The following IGSF6 variants were observed in gnomAD, a reference collection of about 807,000 sequenced individuals.
IGSF6 encodes immunoglobulin superfamily member 6.
In IGSF6, 23 loss-of-function variants were observed where a neutral mutation model predicts 24.7. The observed-to-expected ratio is 0.93, with a 90% CI of 0.67 to 1.32. The LOEUF (loss-of-function observed/expected upper bound fraction) is 1.32. IGSF6 is among the 40% of genes most tolerant of loss of function. The pLI, the probability that IGSF6 is intolerant of heterozygous loss-of-function variation, is 0.00. For missense variants in IGSF6, 295 were observed against 293.6 expected, an observed-to-expected ratio of 1.00 and a Z score of -0.04; for synonymous variants, 110 against 113.7, an observed-to-expected ratio of 0.97 and a Z score of 0.21.
chr16:21,647,314 C>T lies in IGSF6; in HGVS notation c.246G>A (p.Gly82=), dbSNP rs1019913195. The T allele has an allele frequency of 6.2e-6, 10 of 1,614,158 alleles. No individual in the cohort carries two copies. Among genetic ancestry groups the T allele is most frequent in the Non-Finnish European group, 8.5e-6 (10 of 1,180,034 alleles). The change falls in exon 2 of 6, where the codon GGG becomes GGA. Residue 82 remains glycine (G), a synonymous_variant. Transcript: ENST00000268389. ...AHQPENLCLD[G]CKSEADKFTV... Reference sequence around the variant, plus strand: ...TGAACTTGTCTGCCTCACTTTTGCACCCGTCCAAGCACAGGTTCTCAGGCT... The same window carrying T: ...TGAACTTGTCTGCCTCACTTTTGCATCCGTCCAAGCACAGGTTCTCAGGCT...
intron 5 of IGSF6, 141 bp from the exon 6 acceptor site, chr16:21,641,734 C>T (rs1966276219): frequency 1.7e-5 from 8 of 474,488 alleles, no homozygotes; most frequent in Admixed American, 4.0e-5. Context: ...GCCAGATTAC[C>T]GTTTTCCCCA....
chr16:21,650,906 A>G (rs898962222), intron 1 of IGSF6, among the ~76,000 whole-genome samples: 9 of 152,202 alleles, frequency 5.9e-5, no homozygotes, highest in Non-Finnish European at 1.5e-5. Flanking sequence ...GAGGGAATAG[A>G]AAGATTATTC....
chr16:21,649,733 C>G (rs2141622857), intron 1 of IGSF6, among the ~76,000 whole-genome samples: 1 of 152,180 alleles, frequency 6.6e-6, no homozygotes, highest in African/African-American at 2.4e-5. Flanking sequence ...GAGATAGGGT[C>G]CCACTGTGTC....
intron 3 of IGSF6, 65 bp from the exon 4 acceptor site, chr16:21,643,663 C>G: frequency 9.7e-7 from 1 of 1,027,232 alleles, no homozygotes; most frequent in Non-Finnish European, 1.5e-6. Flanking sequence ...TGGCAGATAT[C>G]TCATGCCCTA....
chr16:21,643,138 C>G lies in IGSF6; in HGVS notation c.602G>C (p.Arg201Pro), dbSNP rs146422757. The G allele has an allele frequency of 1.1e-5, 18 of 1,606,006 alleles. No homozygotes were observed. The highest frequency in any genetic ancestry group is 1.5e-5 in the Non-Finnish European group (18 of 1,176,212). Residue 201 changes from arginine to proline, a missense_variant, in exon 5 of 6, where the codon CGT becomes CCT. Arg to Pro is a moderately radical substitution (Grantham distance 103, BLOSUM62 -2). Coordinates refer to ENST00000268389, the MANE Select transcript of IGSF6 (RefSeq NM_005849.4). ...TTCTTGAGCAATTTCCTGAAAAATA[C>G]GCCGAGCACTCTTCTTCTATAAAGA... Reference protein sequence around the residue: ...EDSQKKKSARRIFQEIAQELY... With the variant: ...EDSQKKKSARPIFQEIAQELY...
At chr16:21,647,838 G>A (rs908454696) in intron 1 of IGSF6, among the ~76,000 whole-genome samples, 6 of 152,076 alleles carry the variant, frequency 3.9e-5, no homozygotes, top group African/African-American at 1.4e-4. Flanking sequence ...GCTTTCCTTC[G>A]ATCCAATCAC....
rs1173908688 is a variant in IGSF6 at position 21,647,201 on chromosome 16, A to G, written c.359T>C (p.Ile120Thr). ...SNDSAIYICG[I>T]AFPSVPEARA... ...CGCTTCCGGCACACTGGGGAATGCT[A>G]TTCCACAGATGTAAATTGCACTGTC... is the stretch of plus-strand genomic sequence containing the variant. Residue 120 changes from isoleucine to threonine, a missense_variant, in exon 2 of 6, where the codon ATA (isoleucine) becomes ACA (threonine). Ile to Thr is a moderately conservative substitution (Grantham distance 89). Transcript: ENST00000268389. The G allele has an allele frequency of 1.1e-5, 17 of 1,614,092 alleles. No homozygotes were observed. The highest frequency in any genetic ancestry group is 2.2e-5 in the East Asian group (1 of 44,884).
intron 1 of IGSF6, among the ~76,000 whole-genome samples, chr16:21,650,333 C>T (rs759848553): frequency 6.6e-6 from 1 of 151,882 alleles, no homozygotes; most frequent in African/African-American, 2.4e-5. Flanking sequence ...ATGGTAAAAC[C>T]CCATCTTTAC....
rs1473099020 is a variant in IGSF6, at chr16:21,640,301, T to C, written c.*1233A>G. Reference sequence around the variant, plus strand: ...TAAGGTTGTAATTTGTGTCTAATAATGAATGCATACTTATGGGCACTTTAG... The same window carrying C: ...TAAGGTTGTAATTTGTGTCTAATAACGAATGCATACTTATGGGCACTTTAG... On this transcript the variant is annotated 3_prime_UTR_variant, in exon 6 of 6. Coordinates refer to ENST00000268389, the MANE Select transcript of IGSF6 (RefSeq NM_005849.4). The C allele has an allele frequency of 2.6e-5, 4 of 152,090 alleles. No individual in the cohort carries two copies. The allele number at this position is 152,090 out of a possible 1,614,324, so 9.4% of individuals were successfully genotyped here. A position where few individuals can be genotyped will look rare whatever the true frequency, so the allele number is the denominator to read the frequency against.
At chr16:21,642,801 A>G (rs1387107562) in intron 5 of IGSF6, among the ~76,000 whole-genome samples, 2 of 152,174 alleles carry the variant, frequency 1.3e-5, no homozygotes, top group East Asian at 3.8e-4. Context: ...TTAAAGCATC[A>G]TTGTCTGTAT....
intron 5 of IGSF6, chr16:21,642,141 G>C (rs143539922): frequency 6.6e-6 from 1 of 152,184 alleles, no homozygotes; most frequent in Non-Finnish European, 1.5e-5. Flanking sequence ...ACACAAGTTC[G>C]TGAAGCGTTC....
intron 3 of IGSF6, 146 bp from the exon 4 acceptor site, chr16:21,643,744 C>A: frequency 1.7e-6 from 1 of 594,270 alleles, no homozygotes; most frequent in East Asian, 2.9e-5. Flanking sequence ...TTTTGAGATG[C>A]TTTTACTCCA....
chr16:21,642,925 A>G, intron 5 of IGSF6, 149 bp downstream of exon 5: 1 of 553,102 alleles, frequency 1.8e-6, no homozygotes, highest in Non-Finnish European at 3.2e-6. Context: ...TTATTAAAAC[A>G]GGTTCTATAT....
At chr16:21,644,649 G>T (rs895953287) in intron 2 of IGSF6, among the ~76,000 whole-genome samples, 1 of 152,136 alleles carries the variant, frequency 6.6e-6, no homozygotes, top group African/African-American at 2.4e-5. Flanking sequence ...CCAACCATTT[G>T]TCATATTGCT....
rs1043101351 is a variant in IGSF6 at position 21,639,907 on chromosome 16, T to C, written c.*1627A>G. ...AAGAATACACCTTAGGCAATACCAG[T>C]TTAAAAGAAACACTTTATTTTATTT... On this transcript the variant is annotated 3_prime_UTR_variant, in exon 6 of 6. Coordinates refer to ENST00000268389, the MANE Select transcript of IGSF6 (RefSeq NM_005849.4). 5 of 152,020 alleles carry C rather than the reference T, an allele frequency of 3.3e-5. No individual in the cohort carries two copies. Among genetic ancestry groups the C allele is most frequent in the Admixed American group, 3.3e-4 (5 of 15,238 alleles). 9.4% of individuals were successfully genotyped at this position (152,020 alleles called of 1,614,324 possible).
chr16:21,647,863 G>C (rs1447884977), intron 1 of IGSF6, among the ~76,000 whole-genome samples: 1 of 152,146 alleles, frequency 6.6e-6, no homozygotes, highest in East Asian at 1.9e-4. Context: ...TCTCCTGCCT[G>C]CTTTCTTGTC....
At chr16:21,648,747 G>GA (rs1966492169) in intron 1 of IGSF6, among the ~76,000 whole-genome samples, 1 of 152,224 alleles carries the variant, frequency 6.6e-6, no homozygotes, top group African/African-American at 2.4e-5. Context: ...AATTTGTCAA[G>GA]TTTTTGGTCT....
chr16:21,648,010 G>A (rs557971538), intron 1 of IGSF6, among the ~76,000 whole-genome samples: 1 of 152,262 alleles, frequency 6.6e-6, no homozygotes, highest in South Asian at 2.1e-4. Flanking sequence ...AGGAATTCAT[G>A]GCCATTCACA....
Position 21,639,868 on chromosome 16 carries a change from T to C in IGSF6, c.*1666A>G, listed in dbSNP as rs926287592. 6.6e-6 allele frequency: 1 copy of C among 152,214 alleles called. No homozygotes were observed. Among genetic ancestry groups the C allele is most frequent in the Non-Finnish European group, 1.5e-5 (1 of 68,044 alleles). The allele number at this position is 152,214 out of a possible 1,614,324, so 9.4% of individuals were successfully genotyped here. ...AAAGGAATCTTAAAATATTTAACAA[T>C]TCTAAGTTTTATAAAGAATACACCT... On this transcript the variant is annotated 3_prime_UTR_variant, in exon 6 of 6. Transcript: ENST00000268389.
Sources: allele counts gnomAD v4.1 joint callset (sites outside exome capture counted in the v4.1 genomes callset), GRCh38; gene constraint gnomAD v4.1.1; transcripts MANE v1.5; gene names NCBI Gene and HGNC (gene_info 2026-07-23, HGNC 2026-07-21).